Variants in GLIS3 observed in about 807,000 individuals in gnomAD.
GLIS3 encodes GLIS family zinc finger 3.
GLIS3 carries 53 observed loss-of-function variants against 78.6 expected under a neutral mutation model. The observed-to-expected ratio is 0.67, with a 90% CI of 0.54 to 0.85. The LOEUF (loss-of-function observed/expected upper bound fraction) is 0.85. Among genes scored for constraint, GLIS3 ranks in the 40% least tolerant of loss-of-function variants. The probability of loss-of-function intolerance (pLI) is 0.00; values close to 1 mark genes in which losing one functional copy is unlikely to be tolerated. For missense variants in GLIS3, 1,703 were observed against 1,231.1 expected, an observed-to-expected ratio of 1.38 and a Z score of -5.74; for synonymous variants, 684 against 509.9, an observed-to-expected ratio of 1.34 and a Z score of -4.60.
chr9:4,045,461 G>C (rs572631291), intron 4 of GLIS3, among the ~76,000 whole-genome samples: 4 of 151,368 alleles, frequency 2.6e-5, no homozygotes, highest in Non-Finnish European at 5.9e-5. Context: ...TCAGCCTCCC[G>C]AGTAGCTGGG....
intron 2 of GLIS3, among the ~76,000 whole-genome samples, chr9:4,283,499 C>G (rs1275960559): frequency 6.6e-6 from 1 of 152,114 alleles, no homozygotes; most frequent in Non-Finnish European, 1.5e-5. Context: ...CTCCTGACCT[C>G]AAATGATCTG....
intron 4 of GLIS3, among the ~76,000 whole-genome samples, chr9:4,058,701 T>C (rs1385916299): frequency 2.0e-5 from 3 of 152,050 alleles, no homozygotes; most frequent in Non-Finnish European, 2.9e-5. Flanking sequence ...AAAAGAACCA[T>C]AGAGTGCGGT....
chr9:3,862,958 G>C (rs994904130), intron 8 of GLIS3, among the ~76,000 whole-genome samples: 1 of 151,926 alleles, frequency 6.6e-6, no homozygotes, highest in Non-Finnish European at 1.5e-5. Context: ...CATCTGTGGC[G>C]GTTTTAAAAT....
chr9:4,210,356 T>A (rs1433317791), intron 2 of GLIS3, among the ~76,000 whole-genome samples: 1 of 152,224 alleles, frequency 6.6e-6, no homozygotes, highest in African/African-American at 2.4e-5. Flanking sequence ...AGCATCCAAT[T>A]GCCTTTTCTA....
At chr9:4,038,219 T>G (rs1470469465) in intron 4 of GLIS3, among the ~76,000 whole-genome samples, 1 of 152,210 alleles carries the variant, frequency 6.6e-6, no homozygotes, top group Non-Finnish European at 1.5e-5. Context: ...GCCAGCCATA[T>G]TCCAGTTTCG....
intron 4 of GLIS3, among the ~76,000 whole-genome samples, chr9:3,944,235 A>G (rs892050792): frequency 6.6e-6 from 1 of 152,224 alleles, no homozygotes; most frequent in African/African-American, 2.4e-5. Flanking sequence ...AGAGAGAAAT[A>G]TGTTATTTCT....
At chr9:4,113,237 T>G (rs1032254516) in intron 4 of GLIS3, among the ~76,000 whole-genome samples, 2 of 152,150 alleles carry the variant, frequency 1.3e-5, no homozygotes, top group Non-Finnish European at 2.9e-5. Flanking sequence ...AAGCCACGGT[T>G]TATTGACTTA....
the GLIS3 span, among the ~76,000 whole-genome samples, chr9:4,458,478 G>C: frequency 2.0e-5 from 3 of 152,144 alleles, no homozygotes; most frequent in Non-Finnish European, 2.9e-5. Flanking sequence ...GGTGGAAGTA[G>C]AGTGTGTTAC....
intron 4 of GLIS3, among the ~76,000 whole-genome samples, chr9:3,942,099 G>C (rs1469435731): frequency 3.3e-5 from 5 of 152,138 alleles, no homozygotes; most frequent in Admixed American, 6.5e-5. Flanking sequence ...TAGTTACTTA[G>C]AGTGCTGAGA....
At chr9:4,312,473 GA>G (rs572430369) in intron 2 of GLIS3, among the ~76,000 whole-genome samples, 5 of 152,158 alleles carry the variant, frequency 3.3e-5, no homozygotes, top group Admixed American at 2.0e-4. Context: ...GTCTCAAAAA[GA>G]AAAAAACTTT....
chr9:3,993,564 C>T (rs558282771), intron 4 of GLIS3, among the ~76,000 whole-genome samples: 4 of 152,310 alleles, frequency 2.6e-5, no homozygotes, highest in African/African-American at 9.6e-5. Context: ...ACACCATTTT[C>T]AGGTATTTCC....
rs1831877457 is a variant in GLIS3, at chr9:4,118,319, C to T, written c.1159G>A (p.Asp387Asn). ...ATGCGCTCGTGCTCCAGGGCCCCGT[C>T]CTCGCCGTAGGCCGGCAGCGCCAGG... ...GGLALPAYGEDGALEHERMQQ... is the reference protein window; with the variant it reads ...GGLALPAYGENGALEHERMQQ... The change falls in exon 4 of 11, where the codon GAC becomes AAC. Residue 387 changes from aspartate to asparagine, a missense_variant. Asp to Asn is a conservative substitution (Grantham distance 23). Coordinates refer to ENST00000381971, the MANE Select transcript of GLIS3 (RefSeq NM_001042413.2). This position sits in a 1 kb window ranked among gnomAD's most constrained non-coding sequence, Gnocchi z 4.7. 6.4e-7 allele frequency: 1 copy of T among 1,574,582 alleles called. No homozygotes were observed. Among genetic ancestry groups the T allele is most frequent in the Non-Finnish European group, 8.6e-7 (1 of 1,163,038 alleles).
chr9:4,087,428 A>C (rs1829126012), intron 4 of GLIS3, among the ~76,000 whole-genome samples: 1 of 152,222 alleles, frequency 6.6e-6, no homozygotes, highest in African/African-American at 2.4e-5. Flanking sequence ...TGGATTCTGA[A>C]ATGATAGCCT....
At chr9:3,956,295 G>T (rs759960906) in intron 4 of GLIS3, among the ~76,000 whole-genome samples, 2 of 152,092 alleles carry the variant, frequency 1.3e-5, no homozygotes, top group Admixed American at 1.3e-4. Flanking sequence ...TAAGCTAGGG[G>T]AACAAAAGCC....
At chr9:3,877,738 C>A (rs1821411594) in intron 8 of GLIS3, among the ~76,000 whole-genome samples, 1 of 152,154 alleles carries the variant, frequency 6.6e-6, no homozygotes, top group South Asian at 2.1e-4. Context: ...TGAATAAATT[C>A]TCCATCCTCA....
At chr9:4,064,663 G>T (rs979666870) in intron 4 of GLIS3, among the ~76,000 whole-genome samples, 1 of 152,114 alleles carries the variant, frequency 6.6e-6, no homozygotes, top group Non-Finnish European at 1.5e-5. Context: ...GTGTTGTGGC[G>T]CACACCTGTA....
intron 4 of GLIS3, among the ~76,000 whole-genome samples, chr9:3,937,759 A>G (rs1231292654): frequency 2.0e-5 from 3 of 152,206 alleles, no homozygotes; most frequent in African/African-American, 7.2e-5. Flanking sequence ...GACCATGTTA[A>G]TGTATATGGT....
At chr9:4,199,271 G>T (rs1819144390) in intron 2 of GLIS3, among the ~76,000 whole-genome samples, 1 of 152,108 alleles carries the variant, frequency 6.6e-6, no homozygotes, top group Admixed American at 6.5e-5. Flanking sequence ...AGAGTGGCAA[G>T]TTGGATGAAA....
intron 2 of GLIS3, among the ~76,000 whole-genome samples, chr9:4,177,252 T>C (rs1304938832): frequency 6.6e-6 from 1 of 152,246 alleles, no homozygotes; most frequent in African/African-American, 2.4e-5. Context: ...GGTCTCTTCA[T>C]GACTCTGCCC....
Sources: allele counts gnomAD v4.1 joint callset (sites outside exome capture counted in the v4.1 genomes callset), GRCh38; gene constraint gnomAD v4.1.1; non-coding constraint Gnocchi (gnomAD v3.1); transcripts MANE v1.5; gene names NCBI Gene and HGNC (gene_info 2026-07-23, HGNC 2026-07-21).